Variants in AGPAT4 observed in about 807,000 individuals in gnomAD.
AGPAT4 encodes 1-acylglycerol-3-phosphate O-acyltransferase 4.
AGPAT4 carries 15 observed loss-of-function variants against 48.0 expected under a neutral mutation model. The ratio of observed to expected loss-of-function variants is 0.31; its 90% CI spans 0.21 to 0.48. The LOEUF is 0.48. AGPAT4 is among the 20% of genes least tolerant of loss of function. The pLI, the probability that AGPAT4 is intolerant of heterozygous loss-of-function variation, is 0.99. For missense variants in AGPAT4, 314 were observed against 482.5 expected (o/e 0.65, Z 3.27); for synonymous variants, 178 against 198.7 (o/e 0.90, Z 0.88).
chr6:161,171,627 T>A lies in AGPAT4; in HGVS notation c.179-5210A>T, dbSNP rs1253861073. Among the ~76,000 whole-genome samples the A allele has an allele frequency of 6.6e-6, 1 of 152,018 alleles. No homozygotes were observed. Among genetic ancestry groups the A allele is most frequent in the Non-Finnish European group, 1.5e-5 (1 of 68,018 alleles). On this transcript the variant is annotated intron_variant, in intron 2 of 8. Transcript: ENST00000320285. This position sits in a 1 kb window ranked among gnomAD's most constrained non-coding sequence, Gnocchi z 4.4. Reference sequence around the variant, plus strand: ...ATTTCCAGCCGCACATGGTGGCTCATGCCTGTAATTCCAGCACTTTGGAAG... The same window carrying A: ...ATTTCCAGCCGCACATGGTGGCTCAAGCCTGTAATTCCAGCACTTTGGAAG...
Position 161,149,343 on chromosome 6 carries a change from G to GGAGA in AGPAT4, c.665-55_665-54insTCTC. 4.0e-6 allele frequency: 6 copies of GGAGA among 1,505,038 alleles called. No homozygotes were observed. Among genetic ancestry groups the GGAGA allele is most frequent in the Non-Finnish European group, 5.4e-6 (6 of 1,120,150 alleles). The allele number at this position is 1,505,038 out of a possible 1,614,324, so 93.2% of individuals were successfully genotyped here. On this transcript the variant is annotated intron_variant, in intron 5 of 8. Coordinates refer to ENST00000320285, the MANE Select transcript of AGPAT4 (RefSeq NM_020133.3). The surrounding 1 kb of genome is among the most constrained non-coding windows in gnomAD (Gnocchi z 6.5). ...GTATATAGCGTGTGAACCCAATTTTGTTCTGTAGATACACACATTGGAAGA... is the reference window on the plus strand; with the variant it reads ...GTATATAGCGTGTGAACCCAATTTTGGAGATTCTGTAGATACACACATTGGAAGA...
Position 161,204,488 on chromosome 6 carries a change from C to T in AGPAT4, c.178+27548G>A, listed in dbSNP as rs975719198. On this transcript the variant is annotated intron_variant, in intron 2 of 8. Transcript: ENST00000320285. The surrounding 1 kb of genome is among the most constrained non-coding windows in gnomAD (Gnocchi z 4.4). ...TAAATACTTCAGTTACTATTTAGTA[C>T]CCCCTCCAAAATTCTCCCTTTCCAG... Among the ~76,000 whole-genome samples, 27 of 152,088 alleles carry T rather than the reference C, an allele frequency of 1.8e-4. No individual in the cohort carries two copies. Among genetic ancestry groups the T allele is most frequent in the Non-Finnish European group, 1.5e-5 (1 of 68,018 alleles).
At position 161,215,792 on chromosome 6, in the gene AGPAT4, A is replaced by G. The variant is rs1358309071; in HGVS notation, c.178+16244T>C. ...AACTCTAAAAGTCCTACCAGCCACC[A>G]ACCCATTGTAATTTCTCCTTTTTAG... is the stretch of plus-strand genomic sequence containing the variant. On this transcript the variant is annotated intron_variant, in intron 2 of 8. Transcript: ENST00000320285. The surrounding 1 kb of genome is among the most constrained non-coding windows in gnomAD (Gnocchi z 4.5). 6.6e-6 allele frequency among the ~76,000 whole-genome samples: 1 copy of G among 152,144 alleles called. No individual in the cohort carries two copies. The highest frequency in any genetic ancestry group is 1.9e-4 in the East Asian group (1 of 5,196).
rs1318587488 is a variant in AGPAT4 at position 161,240,243 on chromosome 6, C to G, written c.-89-7941G>C. On this transcript the variant is annotated intron_variant, in intron 1 of 8. Coordinates refer to ENST00000320285, the MANE Select transcript of AGPAT4 (RefSeq NM_020133.3). This position sits in a 1 kb window ranked among gnomAD's most constrained non-coding sequence, Gnocchi z 5.5. ...GTATACACACACACACACACACACA[C>G]ACACACACACACACACACACACACT... Among the ~76,000 whole-genome samples, 1 of 151,502 alleles carries G rather than the reference C, an allele frequency of 6.6e-6. No homozygotes were observed. Among genetic ancestry groups the G allele is most frequent in the Non-Finnish European group, 1.5e-5 (1 of 67,854 alleles).
In AGPAT4 at chr6:161,244,503, T is replaced by C. The variant is rs1052269651; in HGVS notation, c.-89-12201A>G. On this transcript the variant is annotated intron_variant, in intron 1 of 8. Coordinates refer to ENST00000320285, the MANE Select transcript of AGPAT4 (RefSeq NM_020133.3). This position sits in a 1 kb window ranked among gnomAD's most constrained non-coding sequence, Gnocchi z 4.7. ...TTAGTATTTTCATGTTTAATAACCA[T>C]TGGGGAAAGGGTTACAAGCGTAATC... is the stretch of plus-strand genomic sequence containing the variant. 5.9e-5 allele frequency among the ~76,000 whole-genome samples: 9 copies of C among 152,158 alleles called. No homozygotes were observed. Among genetic ancestry groups the C allele is most frequent in the African/African-American group, 2.2e-4 (9 of 41,436 alleles).
chr6:161,206,441 G>A lies in AGPAT4; in HGVS notation c.178+25595C>T, dbSNP rs543790680. On this transcript the variant is annotated intron_variant, in intron 2 of 8. Transcript: ENST00000320285. The surrounding 1 kb of genome is among the most constrained non-coding windows in gnomAD (Gnocchi z 4.8). ...ACTCCCACCTTTGCACAGCAGTAAT[G>A]AGACACCCTTCTCCCATCCAGGTGT... 2.6e-5 allele frequency among the ~76,000 whole-genome samples: 4 copies of A among 152,274 alleles called. No homozygotes were observed. The highest frequency in any genetic ancestry group is 4.8e-5 in the African/African-American group (2 of 41,554).
Position 161,138,150 on chromosome 6 carries a change from T to C in AGPAT4, c.1042+1272A>G, listed in dbSNP as rs1464412586. ...TGGCCAGCCTCAGCATGGCGGGGCA[T>C]GGGGGTGCCCCTGGACCTGCCTTAA... On this transcript the variant is annotated intron_variant, in intron 8 of 8. Transcript: ENST00000320285. The surrounding 1 kb of genome is among the most constrained non-coding windows in gnomAD (Gnocchi z 4.8). Among the ~76,000 whole-genome samples, 1 of 152,238 alleles carries C rather than the reference T, an allele frequency of 6.6e-6. No individual in the cohort carries two copies. Among genetic ancestry groups the C allele is most frequent in the East Asian group, 1.9e-4 (1 of 5,200 alleles).
In AGPAT4 at chr6:161,219,154, C is replaced by T. The variant is rs967489998; in HGVS notation, c.178+12882G>A. On this transcript the variant is annotated intron_variant, in intron 2 of 8. Transcript: ENST00000320285. This position sits in a 1 kb window ranked among gnomAD's most constrained non-coding sequence, Gnocchi z 4.9. ...GCTTGTTTTCATAAAACTATTTCCC[C>T]CTTACTTTAAGTGTGCTATATAAAT... Among the ~76,000 whole-genome samples the T allele has an allele frequency of 3.3e-5, 5 of 151,992 alleles. No individual in the cohort carries two copies. The highest frequency in any genetic ancestry group is 1.2e-4 in the African/African-American group (5 of 41,368).
At chr6:161,248,512 T>G (rs1347623317) in intron 1 of AGPAT4, among the ~76,000 whole-genome samples, 1 of 143,610 alleles carries the variant, frequency 7.0e-6, no homozygotes, top group African/African-American at 2.6e-5. Context: ...AGGTGGAGCT[T>G]GCAGTGAGCC....
chr6:161,203,661 G>A (rs1343368513), intron 2 of AGPAT4, among the ~76,000 whole-genome samples: 2 of 152,068 alleles, frequency 1.3e-5, no homozygotes, highest in Non-Finnish European at 2.9e-5. Flanking sequence ...ACCTCCCAAA[G>A]TGCTGGGATT....
At position 161,166,453 on chromosome 6, in the gene AGPAT4, T is replaced by TCTTGTCCTG; in HGVS notation, c.179-37_179-36insCAGGACAAG. 13 of 1,563,436 alleles carry TCTTGTCCTG rather than the reference T, an allele frequency of 8.3e-6. 1 individual carries two copies. In the South Asian group the frequency reaches 1.6e-4, roughly 19 times the overall value. On this transcript the variant is annotated intron_variant, in intron 2 of 8. Coordinates refer to ENST00000320285, the MANE Select transcript of AGPAT4 (RefSeq NM_020133.3). The surrounding 1 kb of genome is among the most constrained non-coding windows in gnomAD (Gnocchi z 6.7). ...CCACAACAGACAGATGTTTACTACATGCAGCCTTGTCCTGGGAGCCCTGCT... is the reference window on the plus strand; with the variant it reads ...CCACAACAGACAGATGTTTACTACATCTTGTCCTGGCAGCCTTGTCCTGGGAGCCCTGCT...
rs190574981 is a variant in AGPAT4, at chr6:161,196,583, G to T, written c.179-30166C>A. Among the ~76,000 whole-genome samples the T allele has an allele frequency of 6.6e-6, 1 of 151,962 alleles. No individual in the cohort carries two copies. The highest frequency in any genetic ancestry group is 1.5e-5 in the Non-Finnish European group (1 of 67,994). ...AGCATTTTGGGAGGCCGAGTCAGGC[G>T]GATCACTTGAGGTCAAGAGTTCGAG... is the stretch of plus-strand genomic sequence containing the variant. On this transcript the variant is annotated intron_variant, in intron 2 of 8. Coordinates refer to ENST00000320285, the MANE Select transcript of AGPAT4 (RefSeq NM_020133.3). The surrounding 1 kb of genome is among the most constrained non-coding windows in gnomAD (Gnocchi z 4.3).
rs1286004462 is a variant in AGPAT4 at position 161,134,413 on chromosome 6, T to C, written c.*2127A>G. On this transcript the variant is annotated 3_prime_UTR_variant, in exon 9 of 9. Transcript: ENST00000320285. ...GAATGAAAATGAGAAAAATAACACA[T>C]TTTTAGTACGACAAGAAAATTTCTG... 1.3e-5 allele frequency: 2 copies of C among 152,188 alleles called. No homozygotes were observed. Among genetic ancestry groups the C allele is most frequent in the African/African-American group, 2.4e-5 (1 of 41,432 alleles). 9.4% of individuals were successfully genotyped at this position (152,188 alleles called of 1,614,324 possible). A position where few individuals can be genotyped will look rare whatever the true frequency, so the allele number is the denominator to read the frequency against.
At position 161,229,383 on chromosome 6, in the gene AGPAT4, G is replaced by A. The variant is rs1014032117; in HGVS notation, c.178+2653C>T. The stretch of plus-strand genomic sequence containing the variant: ...AGCAGAGGAGAGTTACAGCATAGAC[G>A]CTGCAGAGTCATCTGCTAGTTAAGC... On this transcript the variant is annotated intron_variant, in intron 2 of 8. Coordinates refer to ENST00000320285, the MANE Select transcript of AGPAT4 (RefSeq NM_020133.3). The surrounding 1 kb of genome is among the most constrained non-coding windows in gnomAD (Gnocchi z 6.0). Among the ~76,000 whole-genome samples, 2 of 152,152 alleles carry A rather than the reference G, an allele frequency of 1.3e-5. No homozygotes were observed. Among genetic ancestry groups the A allele is most frequent in the Non-Finnish European group, 2.9e-5 (2 of 68,036 alleles).
Position 161,171,472 on chromosome 6 carries a change from C to A in AGPAT4, c.179-5055G>T, listed in dbSNP as rs899282341. 7.9e-5 allele frequency among the ~76,000 whole-genome samples: 12 copies of A among 152,224 alleles called. No individual in the cohort carries two copies. The highest frequency in any genetic ancestry group is 1.6e-4 in the Non-Finnish European group (11 of 68,042). On this transcript the variant is annotated intron_variant, in intron 2 of 8. Coordinates refer to ENST00000320285, the MANE Select transcript of AGPAT4 (RefSeq NM_020133.3). The surrounding 1 kb of genome is among the most constrained non-coding windows in gnomAD (Gnocchi z 4.4). ...AAGTGAGAGAAATAAGGGAAAGCGG[C>A]TGAACTCATCCACTTAGCAGGAACC...
rs1381358358 is a variant in AGPAT4, at chr6:161,267,751, C to T, written c.-90+6187G>A. Among the ~76,000 whole-genome samples the T allele has an allele frequency of 2.0e-5, 3 of 151,942 alleles. No homozygotes were observed. The highest frequency in any genetic ancestry group is 2.9e-5 in the Non-Finnish European group (2 of 67,988). ...AAAAAAAAGAAAAGAAAAATATTAG[C>T]TGGGCATGTTAGTACACACCTGTAG... On this transcript the variant is annotated intron_variant, in intron 1 of 8. Transcript: ENST00000320285. The surrounding 1 kb of genome is among the most constrained non-coding windows in gnomAD (Gnocchi z 5.2).
rs139057338 is a variant in AGPAT4 at position 161,153,534 on chromosome 6, CGGGGTCACACACAGCCCT to C, written c.511-53_511-36del. The C allele has an allele frequency of 1.2e-3, 1,859 of 1,607,712 alleles. 20 individuals carry two copies. The East Asian group carries it at 0.029, about 25-fold the overall frequency. On this transcript the variant is annotated intron_variant, in intron 4 of 8. Transcript: ENST00000320285. ...AGGAGGCAGGAGTCGCACGCAGCCT[CGGGGTCACACACAGCCCT>C]GGGGTCATGCATGGCCCTGGGGTCA...
In AGPAT4 at chr6:161,132,664, T is replaced by A. The variant is rs1214400188; in HGVS notation, c.*3876A>T. On this transcript the variant is annotated 3_prime_UTR_variant, in exon 9 of 9. Transcript: ENST00000320285. ...AAAGCATTGGCAAAGCCAGCACATC[T>A]GTGAGCATGTTACACATGGGCTTGC... The A allele has an allele frequency of 1.3e-5, 2 of 152,300 alleles. No homozygotes were observed. Among genetic ancestry groups the A allele is most frequent in the African/African-American group, 4.8e-5 (2 of 41,474 alleles). The allele number at this position is 152,300 out of a possible 1,614,324, so 9.4% of individuals were successfully genotyped here.
At position 161,232,240 on chromosome 6, in the gene AGPAT4, T is replaced by TC; in HGVS notation, c.-28_-27insG. 1.3e-6 allele frequency: 2 copies of TC among 1,598,372 alleles called. No homozygotes were observed. The highest frequency in any genetic ancestry group is 1.7e-6 in the Non-Finnish European group (2 of 1,170,320). On this transcript the variant is annotated 5_prime_UTR_variant, in exon 2 of 9. Coordinates refer to ENST00000320285, the MANE Select transcript of AGPAT4 (RefSeq NM_020133.3). This position sits in a 1 kb window ranked among gnomAD's most constrained non-coding sequence, Gnocchi z 6.8. ...ATGCGTGGACGCTCTTATTCAGAAA[T>TC]AAATAACTACCCACAGTCAAAGATT...
Sources: allele counts gnomAD v4.1 joint callset (sites outside exome capture counted in the v4.1 genomes callset), GRCh38; gene constraint gnomAD v4.1.1; non-coding constraint Gnocchi (gnomAD v3.1); transcripts MANE v1.5; gene names NCBI Gene and HGNC (gene_info 2026-07-23, HGNC 2026-07-21).